Variants in LMBR1 observed in about 807,000 individuals in gnomAD.
LMBR1 encodes the protein limb region 1 protein homolog.
In LMBR1, 52 loss-of-function variants were observed where a neutral mutation model predicts 73.9. The ratio of observed to expected loss-of-function variants is 0.70; its 90% CI spans 0.56 to 0.89. The LOEUF is 0.89. Among genes scored for constraint, LMBR1 ranks in the 40% least tolerant of loss-of-function variants. The pLI is 0.00. For synonymous variants in LMBR1, 215 were observed against 209.4 expected (o/e 1.03, Z -0.23); for missense variants, 539 against 579.8 (o/e 0.93, Z 0.72).
At chr7:156,713,773 T>C (rs1585326028) in intron 15 of LMBR1, among the ~76,000 whole-genome samples, 3 of 152,362 alleles carry the variant, frequency 2.0e-5, no homozygotes, top group Admixed American at 2.0e-4. Flanking sequence ...ATGTCAATTA[T>C]ACCTCAATAA....
chr7:156,708,125 C>T (rs533370088), intron 15 of LMBR1, among the ~76,000 whole-genome samples: 4 of 151,600 alleles, frequency 2.6e-5, no homozygotes, highest in East Asian at 1.9e-4. Context: ...TGGAGGAAGA[C>T]GGCAGACAGG....
chr7:156,749,282 A>ATTT (rs1820404187), intron 9 of LMBR1, among the ~76,000 whole-genome samples: 1 of 92,742 alleles, frequency 1.1e-5, no homozygotes, highest in Non-Finnish European at 2.0e-5. Context: ...TCCATATATC[A>ATTT]AGTGTGTTAT....
At chr7:156,827,260 T>C (rs1586067914) in intron 3 of LMBR1, among the ~76,000 whole-genome samples, 1 of 152,106 alleles carries the variant, frequency 6.6e-6, no homozygotes, top group South Asian at 2.1e-4. Context: ...AAATAAATTA[T>C]AGTAATAAAA....
chr7:156,829,098 G>C (rs559010927), intron 3 of LMBR1, among the ~76,000 whole-genome samples: 1 of 152,288 alleles, frequency 6.6e-6, no homozygotes, highest in African/African-American at 2.4e-5. Context: ...CCCAGCCAAC[G>C]GGGAAAGCAT....
intron 1 of LMBR1, among the ~76,000 whole-genome samples, 187 bp downstream of exon 1, chr7:156,892,741 G>C (rs1357259427): frequency 7.5e-6 from 1 of 134,178 alleles, no homozygotes. Context: ...GAGGGGAGAG[G>C]AGAGGTGGGG....
At position 156,669,247 on chromosome 7, in the gene LMBR1, G is replaced by A. The variant is rs1801906173; in HGVS notation, n.907C>T. On this transcript the variant is annotated non_coding_transcript_exon_variant, in exon 5 of 5. Coordinates refer to the LMBR1 transcript ENST00000430825. This position sits in a 1 kb window ranked among gnomAD's most constrained non-coding sequence, Gnocchi z 4.2. ...TCTAGGTGCATGTGGAGGCCGCTCGGGTGGTTCGCGCCTGCTGCAGGGCAC... is the reference window on the plus strand; with the variant it reads ...TCTAGGTGCATGTGGAGGCCGCTCGAGTGGTTCGCGCCTGCTGCAGGGCAC... 1 of 152,212 alleles carries A rather than the reference G, an allele frequency of 6.6e-6. No individual in the cohort carries two copies. The highest frequency in any genetic ancestry group is 2.4e-5 in the African/African-American group (1 of 41,436). The allele number at this position is 152,212 out of a possible 1,614,324, so 9.4% of individuals were successfully genotyped here.
rs1280396950 is a variant in LMBR1 at position 156,893,003 on chromosome 7, T to C, written c.-10A>G. On this transcript the variant is annotated 5_prime_UTR_variant, in exon 1 of 17. An upstream start codon of the reference 5' UTR is lost. Transcript: ENST00000353442. ...CGTCCTGCCCTTCCATCCTCCTTCA[T>C]GCCCGCCGCCGCGCCGCCCGCGTCC... 3 of 1,517,648 alleles carry C rather than the reference T, an allele frequency of 2.0e-6. No homozygotes were observed. The highest frequency in any genetic ancestry group is 2.4e-5 in the South Asian group (2 of 81,668). The allele number at this position is 1,517,648 out of a possible 1,614,324, so 94.0% of individuals were successfully genotyped here. A position where few individuals can be genotyped will look rare whatever the true frequency, so the allele number is the denominator to read the frequency against.
At chr7:156,822,709 A>C (rs1376228719) in intron 4 of LMBR1, 2 of 152,208 alleles carry the variant, frequency 1.3e-5, no homozygotes, top group Admixed American at 6.5e-5. Flanking sequence ...AATCAGAAAA[A>C]CATGTAAAAA....
intron 5 of LMBR1, among the ~76,000 whole-genome samples, chr7:156,787,858 C>T (rs912719623): frequency 6.6e-5 from 10 of 152,204 alleles, no homozygotes; most frequent in African/African-American, 2.2e-4. Context: ...CTCACTGCAA[C>T]CTCCACCTCC....
chr7:156,692,470 T>C (rs556397630), intron 15 of LMBR1, among the ~76,000 whole-genome samples: 13 of 152,360 alleles, frequency 8.5e-5, no homozygotes, highest in Non-Finnish European at 1.5e-4. Flanking sequence ...CTCCAGCCTA[T>C]ATGGAGTAAA....
At chr7:156,734,517 G>A (rs940661233) in intron 9 of LMBR1, among the ~76,000 whole-genome samples, 6 of 152,108 alleles carry the variant, frequency 3.9e-5, no homozygotes, top group Non-Finnish European at 7.3e-5. Flanking sequence ...ATGGAGGCAA[G>A]GGATAAAAAA....
intron 5 of LMBR1, among the ~76,000 whole-genome samples, chr7:156,771,986 A>G (rs1825267384): frequency 6.6e-6 from 1 of 152,158 alleles, no homozygotes; most frequent in Admixed American, 6.5e-5. Flanking sequence ...AACAAAAACC[A>G]CATGATCAGC....
At chr7:156,693,162 G>C (rs868062824) in intron 15 of LMBR1, among the ~76,000 whole-genome samples, 2 of 151,682 alleles carry the variant, frequency 1.3e-5, no homozygotes, top group Non-Finnish European at 2.9e-5. Context: ...TGAAGGAGAA[G>C]AGAAGAAAAA....
intron 1 of LMBR1, among the ~76,000 whole-genome samples, chr7:156,883,193 G>T (rs1262907330): frequency 6.6e-6 from 1 of 152,174 alleles, no homozygotes; most frequent in East Asian, 1.9e-4. Context: ...CTGAGGTCTG[G>T]AGTTCAAGAC....
At chr7:156,819,636 TA>T (rs1296307192) in intron 4 of LMBR1, among the ~76,000 whole-genome samples, 1 of 152,204 alleles carries the variant, frequency 6.6e-6, no homozygotes, top group East Asian at 1.9e-4. Flanking sequence ...ATTAGTGATA[TA>T]ACTGTGCTCT....
chr7:156,781,216 T>C lies in LMBR1; in HGVS notation c.423+15173A>G, dbSNP rs73493520. Reference sequence around the variant, plus strand: ...AGTTTTAAAATATAATAAAAAGCAATGCCACGTGACAATTTAGGTAATAAC... The same window carrying C: ...AGTTTTAAAATATAATAAAAAGCAACGCCACGTGACAATTTAGGTAATAAC... On this transcript the variant is annotated intron_variant, in intron 5 of 16. Coordinates refer to ENST00000353442, the MANE Select transcript of LMBR1 (RefSeq NM_022458.4). 5.0e-3 allele frequency among the ~76,000 whole-genome samples: 769 copies of C among 152,330 alleles called. 10 individuals are homozygous for C. Among genetic ancestry groups the C allele is most frequent in the African/African-American group, 0.018 (743 of 41,586 alleles).
intron 9 of LMBR1, among the ~76,000 whole-genome samples, chr7:156,754,252 TCA>T (rs1821447776): frequency 6.6e-6 from 1 of 152,190 alleles, no homozygotes; most frequent in Non-Finnish European, 1.5e-5. Context: ...AATTGAGAAG[TCA>T]CAGTCAGGCA....
At chr7:156,826,182 G>T (rs190172428) in intron 4 of LMBR1, among the ~76,000 whole-genome samples, 17 of 152,148 alleles carry the variant, frequency 1.1e-4, no homozygotes, top group Admixed American at 3.3e-4. Flanking sequence ...GTTTCTCCAT[G>T]TTGGCCAGGC....
At chr7:156,721,984 G>T (rs1009028258) in intron 15 of LMBR1, among the ~76,000 whole-genome samples, 2 of 149,392 alleles carry the variant, frequency 1.3e-5, no homozygotes, top group Non-Finnish European at 3.0e-5. Context: ...CATGTCCATT[G>T]AACACTTTCA....
Sources: allele counts gnomAD v4.1 joint callset (sites outside exome capture counted in the v4.1 genomes callset), GRCh38; gene constraint gnomAD v4.1.1; non-coding constraint Gnocchi (gnomAD v3.1); transcripts MANE v1.5; gene names NCBI Gene and HGNC (gene_info 2026-07-23, HGNC 2026-07-21).